Variants in POP1 observed in about 807,000 individuals in gnomAD.
POP1 encodes the protein ribonucleases P/MRP protein subunit POP1.
In POP1, 75 loss-of-function variants were observed where a neutral mutation model predicts 102.2. That is an observed-to-expected ratio of 0.73 (90% CI 0.61 to 0.89). The LOEUF (loss-of-function observed/expected upper bound fraction) is 0.89. POP1 is among the 40% of genes least tolerant of loss of function. The probability of loss-of-function intolerance (pLI) is 0.00; values close to 1 mark genes in which losing one functional copy is unlikely to be tolerated. For synonymous variants in POP1, 436 were observed against 464.1 expected, an observed-to-expected ratio of 0.94 and a Z score of 0.78; for missense variants, 1,116 against 1,267.4, an observed-to-expected ratio of 0.88 and a Z score of 1.81.
Position 98,158,106 on chromosome 8 carries a change from AG to A in POP1, c.2911del (p.Asp971IlefsTer17), listed in dbSNP as rs776270883. Reference protein sequence around the residue: ...RTLLGFVTQGDFSMAVGCGEA... With the variant: ...RTLLGFVTQGXFSMAVGCGEA... ...CTCTCCTAGGCTTTGTGACTCAGGG[AG>A]ATTTTTCCATGGCTGTTGGCTGTGG... On this transcript the variant is annotated frameshift_variant, in exon 16 of 16. Transcript: ENST00000401707. LOFTEE classifies it high-confidence loss of function. 6.2e-7 allele frequency: 1 copy of A among 1,605,266 alleles called. No homozygotes were observed. The highest frequency in any genetic ancestry group is 8.5e-7 in the Non-Finnish European group (1 of 1,176,282).
chr8:98,150,549 C>T lies in POP1; in HGVS notation c.1967C>T (p.Ser656Leu), dbSNP rs769863408. 5.6e-6 allele frequency: 9 copies of T among 1,614,086 alleles called. No homozygotes were observed. The highest frequency in any genetic ancestry group is 1.6e-4 in the Middle Eastern group (1 of 6,062). Residue 656 changes from serine (S) to leucine (L), a missense_variant, in exon 14 of 16, where the codon TCG becomes TTG. Coordinates refer to ENST00000401707, the MANE Select transcript of POP1 (RefSeq NM_001145860.2). ...GCAGTGCATTCTCAGTATAAGAGGT[C>T]GCCTAATGTCCCAGGCGATTTTCCA... is the stretch of plus-strand genomic sequence containing the variant. Reference protein sequence around the residue: ...ESAVHSQYKRSPNVPGDFPDC... With the variant: ...ESAVHSQYKRLPNVPGDFPDC...
At chr8:98,155,680 T>A (rs1809626609) in intron 14 of POP1, among the ~76,000 whole-genome samples, 1 of 152,024 alleles carries the variant, frequency 6.6e-6, no homozygotes, top group Non-Finnish European at 1.5e-5. Context: ...CTCCTGGGTT[T>A]AAGTGATTCG....
chr8:98,150,435 A>G, intron 13 of POP1, 50 bp from the exon 14 acceptor site: 1 of 1,606,806 alleles, frequency 6.2e-7, no homozygotes. Flanking sequence ...ACATTAAGCA[A>G]TTCACTTTAA....
intron 4 of POP1, among the ~76,000 whole-genome samples, chr8:98,129,252 G>T (rs1209099835): frequency 6.6e-6 from 1 of 152,178 alleles, no homozygotes; most frequent in Non-Finnish European, 1.5e-5. Flanking sequence ...CTTTTTCGAA[G>T]TTGAAAACTT....
intron 1 of POP1, among the ~76,000 whole-genome samples, chr8:98,118,442 T>G (rs1047061186): frequency 1.3e-5 from 2 of 152,142 alleles, no homozygotes; most frequent in Non-Finnish European, 1.5e-5. Context: ...TTTCTTTCTT[T>G]CAAGACAGGA....
At chr8:98,150,206 T>C (rs1300480467) in intron 13 of POP1, among the ~76,000 whole-genome samples, 2 of 152,252 alleles carry the variant, frequency 1.3e-5, no homozygotes, top group Non-Finnish European at 2.9e-5. Flanking sequence ...AATAACTATT[T>C]AGACTTGACA....
At chr8:98,141,637 T>C (rs1027850851) in intron 11 of POP1, among the ~76,000 whole-genome samples, 3 of 151,694 alleles carry the variant, frequency 2.0e-5, no homozygotes, top group Non-Finnish European at 4.4e-5. Context: ...CACTGCAACC[T>C]CCACCTCCTG....
chr8:98,141,022 C>A, intron 11 of POP1, 134 bp downstream of exon 11: 1 of 1,026,218 alleles, frequency 9.7e-7, no homozygotes, highest in Non-Finnish European at 1.5e-6. Flanking sequence ...CTTACCTGCC[C>A]ACTTTACAAG....
intron 15 of POP1, among the ~76,000 whole-genome samples, chr8:98,156,856 A>G (rs1809662990): frequency 6.6e-6 from 1 of 151,432 alleles, no homozygotes; most frequent in South Asian, 2.1e-4. Flanking sequence ...GGTGTGGGCC[A>G]GGTTCTGCTC....
At chr8:98,144,893 A>T (rs975251721) in intron 11 of POP1, among the ~76,000 whole-genome samples, 1 of 151,952 alleles carries the variant, frequency 6.6e-6, no homozygotes, top group African/African-American at 2.4e-5. Flanking sequence ...TTTTTATTTT[A>T]CTTTATTTTT....
Position 98,123,444 on chromosome 8 carries a change from G to A in POP1, c.107G>A (p.Ser36Asn), listed in dbSNP as rs779958707. The change falls in exon 2 of 16, where the codon AGT becomes AAT. Residue 36 changes from serine to asparagine, a missense_variant. Transcript: ENST00000401707. Reference protein sequence around the residue: ...FVADRGVKHHSGGEKPFQAQK... With the variant: ...FVADRGVKHHNGGEKPFQAQK... ...GCTGACAGAGGTGTAAAGCACCACA[G>A]TGGAGGTGAAAAACCTTTCCAAGCT... 6 of 1,614,098 alleles carry A rather than the reference G, an allele frequency of 3.7e-6. No homozygotes were observed. Among genetic ancestry groups the A allele is most frequent in the South Asian group, 2.2e-5 (2 of 91,080 alleles).
At chr8:98,149,419 T>G (rs1395520059) in intron 13 of POP1, among the ~76,000 whole-genome samples, 1 of 152,182 alleles carries the variant, frequency 6.6e-6, no homozygotes, top group Non-Finnish European at 1.5e-5. Context: ...AGCTAAAAAT[T>G]TTATTAGAAT....
At chr8:98,131,759 A>G (rs1816388610) in intron 5 of POP1, among the ~76,000 whole-genome samples, 1 of 152,136 alleles carries the variant, frequency 6.6e-6, no homozygotes, top group African/African-American at 2.4e-5. Context: ...ATTTCTCCTC[A>G]TCCTTTTCAG....
At chr8:98,140,668 G>T in intron 10 of POP1, 101 bp from the exon 11 acceptor site, 1 of 1,284,540 alleles carries the variant, frequency 7.8e-7, no homozygotes, top group Non-Finnish European at 1.1e-6. Context: ...ATTAGTCCAA[G>T]AAAAACGTTT....
In POP1 at chr8:98,136,744, A is replaced by G; in HGVS notation, c.1268+6A>G. On this transcript the variant is annotated splice_donor_region_variant and intron_variant, in intron 8 of 15. Transcript: ENST00000401707. ...ACCACAGGCATTATAATCAGGTATG[A>G]GTTGAATTTGCTTTGAACCTACTGA... is the stretch of plus-strand genomic sequence containing the variant. 6.2e-7 allele frequency: 1 copy of G among 1,613,990 alleles called. No homozygotes were observed. Among genetic ancestry groups the G allele is most frequent in the South Asian group, 1.1e-5 (1 of 91,088 alleles).
intron 5 of POP1, among the ~76,000 whole-genome samples, chr8:98,131,240 T>C (rs1816372285): frequency 6.6e-6 from 1 of 152,194 alleles, no homozygotes; most frequent in East Asian, 1.9e-4. Flanking sequence ...AAACTGAAAC[T>C]CTCGACTCAT....
Position 98,127,619 on chromosome 8 carries a change from A to G in POP1, c.167A>G (p.Gln56Arg). Residue 56 changes from glutamine (Q) to arginine (R), a missense_variant, in exon 3 of 16, where the codon CAG becomes CGG. Gln to Arg is a conservative substitution (Grantham distance 43, BLOSUM62 1). Transcript: ENST00000401707. The part of the protein sequence containing the change: ...KQEPHPGTSR[Q>R]RQTRVNPHSL... ...GAGCCTCATCCTGGAACTTCACGAC[A>G]GCGGCAAACCAGAGTCAACCCCCAT... 1.2e-6 allele frequency: 2 copies of G among 1,614,176 alleles called. No homozygotes were observed. The highest frequency in any genetic ancestry group is 1.7e-6 in the Non-Finnish European group (2 of 1,180,024).
intron 5 of POP1, among the ~76,000 whole-genome samples, chr8:98,133,174 G>A (rs537676780): frequency 5.9e-5 from 9 of 152,076 alleles, no homozygotes; most frequent in South Asian, 4.1e-4. Context: ...CTGTGATTGC[G>A]CCTCTGTACT....
intron 7 of POP1, among the ~76,000 whole-genome samples, chr8:98,134,886 T>G (rs916791618): frequency 6.6e-6 from 1 of 152,200 alleles, no homozygotes; most frequent in Non-Finnish European, 1.5e-5. Flanking sequence ...AAGTATATAA[T>G]ATGATGATTT....
Sources: allele counts gnomAD v4.1 joint callset (sites outside exome capture counted in the v4.1 genomes callset), GRCh38; gene constraint gnomAD v4.1.1; transcripts MANE v1.5; gene names NCBI Gene and HGNC (gene_info 2026-07-23, HGNC 2026-07-21).